Variants in RNF213 observed in about 807,000 individuals in gnomAD.
The protein encoded by RNF213 is E3 ubiquitin-protein ligase RNF213.
In RNF213, 341 loss-of-function variants were observed where a neutral mutation model predicts 514.4. The observed-to-expected ratio is 0.66, with a 90% CI of 0.61 to 0.73. The LOEUF (loss-of-function observed/expected upper bound fraction) is 0.73. Among genes scored for constraint, RNF213 ranks in the 30% least tolerant of loss-of-function variants. The pLI, the probability that RNF213 is intolerant of heterozygous loss-of-function variation, is 0.00. For synonymous variants in RNF213, 2,655 were observed against 2,658.2 expected, an observed-to-expected ratio of 1.00 and a Z score of 0.04; for missense variants, 5,767 against 6,615.6, an observed-to-expected ratio of 0.87 and a Z score of 4.45.
rs1237330782 is a variant in RNF213 at position 80,377,853 on chromosome 17, G to A, written c.13545+57G>A. The A allele has an allele frequency of 6.3e-7, 1 of 1,593,946 alleles. No individual in the cohort carries two copies. Among genetic ancestry groups the A allele is most frequent in the African/African-American group, 1.3e-5 (1 of 74,484 alleles). ...GGGTGGCGTGCACTCCTGGGTTGGA[G>A]GAGGGGGATCGTGGGTCAGGAGAGT... On this transcript the variant is annotated intron_variant, in intron 54 of 67. Transcript: ENST00000582970. This position sits in a 1 kb window ranked among gnomAD's most constrained non-coding sequence, Gnocchi z 4.1.
Position 80,351,705 on chromosome 17 carries a change from T to A in RNF213, c.10205T>A (p.Ile3402Asn). 6.3e-7 allele frequency: 1 copy of A among 1,594,534 alleles called. No homozygotes were observed. The highest frequency in any genetic ancestry group is 8.6e-7 in the Non-Finnish European group (1 of 1,162,844). The change falls in exon 32 of 68, where the codon ATC becomes AAC. Residue 3402 changes from isoleucine (I) to asparagine (N), a missense_variant. Coordinates refer to ENST00000582970, the MANE Select transcript of RNF213 (RefSeq NM_001256071.3). ...ASAKYSVINEINKIRENEDRI... is the reference protein window; with the variant it reads ...ASAKYSVINENNKIRENEDRI... Reference sequence around the variant, plus strand: ...AATAGGTATTCTGTTATAAATGAAATCAACAAAATACGAGAAAATGAGGAC... The same window carrying A: ...AATAGGTATTCTGTTATAAATGAAAACAACAAAATACGAGAAAATGAGGAC...
chr17:80,360,728 A>G (rs1053180571), intron 38 of RNF213, among the ~76,000 whole-genome samples: 2 of 152,110 alleles, frequency 1.3e-5, no homozygotes, highest in African/African-American at 4.8e-5. Context: ...AGATGCCAGA[A>G]GATTTGCCCT....
intron 18 of RNF213, among the ~76,000 whole-genome samples, chr17:80,326,431 C>A (rs1311330527): frequency 6.6e-6 from 1 of 152,228 alleles, no homozygotes; most frequent in Non-Finnish European, 1.5e-5. Context: ...TAGTGTGGTG[C>A]TTTTGTTACA....
In RNF213 at chr17:80,358,422, T is replaced by A. The variant is rs375097553; in HGVS notation, c.10997T>A (p.Met3666Lys). 1 of 1,614,056 alleles carries A rather than the reference T, an allele frequency of 6.2e-7. No homozygotes were observed. Among genetic ancestry groups the A allele is most frequent in the Admixed American group, 1.7e-5 (1 of 60,006 alleles). ...DTPPWARDLWMFIFSDTMLLN... is the reference protein window; with the variant it reads ...DTPPWARDLWKFIFSDTMLLN... ...CCGCCCTGGGCAAGAGATCTTTGGA[T>A]GTTTATTTTCAGTGACACGATGCTT... is the stretch of plus-strand genomic sequence containing the variant. The change falls in exon 37 of 68, where the codon ATG (methionine) becomes AAG (lysine). Residue 3666 changes from methionine to lysine, a missense_variant. This residue lies in a region of RNF213 where 919 missense variants were observed against 1,121.0 expected (regional missense o/e 0.82). Coordinates refer to ENST00000582970, the MANE Select transcript of RNF213 (RefSeq NM_001256071.3).
At chr17:80,281,277 T>TCC (rs151112444) in intron 3 of RNF213, among the ~76,000 whole-genome samples, 22 of 7,602 alleles carry the variant, frequency 2.9e-3, no homozygotes, top group South Asian at 5.4e-3. Context: ...CCACTCACAC[T>TCC]CCCCCCCACA....
Position 80,382,983 on chromosome 17 carries a change from T to C in RNF213, c.13983T>C (p.Leu4661=). 1 of 1,612,830 alleles carries C rather than the reference T, an allele frequency of 6.2e-7. No homozygotes were observed. Among genetic ancestry groups the C allele is most frequent in the Non-Finnish European group, 8.5e-7 (1 of 1,178,816 alleles). Residue 4661 remains leucine, a synonymous_variant, in exon 58 of 68, where the codon CTT becomes CTC. Transcript: ENST00000582970. The part of the protein sequence containing the change: ...QEQHQLSSRR[L]LNFDTELSTK... ...ACATTTGGAGTTTTTTTGTAGGGCTTTTAAATTTTGACACAGAATTGTCAA... is the reference window on the plus strand; with the variant it reads ...ACATTTGGAGTTTTTTTGTAGGGCTCTTAAATTTTGACACAGAATTGTCAA...
In RNF213 at chr17:80,339,578, C is replaced by G; in HGVS notation, c.5211C>G (p.Thr1737=). The G allele has an allele frequency of 6.5e-7, 1 of 1,537,156 alleles. No individual in the cohort carries two copies. Among genetic ancestry groups the G allele is most frequent in the Non-Finnish European group, 8.7e-7 (1 of 1,146,882 alleles). The change falls in exon 26 of 68, where the codon ACC becomes ACG. Residue 1737 remains threonine (T), a synonymous_variant. Coordinates refer to ENST00000582970, the MANE Select transcript of RNF213 (RefSeq NM_001256071.3). ...TMLSFIKSNC[T]LRDVLRASVG... ...TATCCTTCATCAAAAGCAACTGCAC[C>G]CTGAGGGATGTCTTAAGGGCCTCTG...
chr17:80,297,944 C>T (rs980771136), intron 10 of RNF213, among the ~76,000 whole-genome samples: 1 of 152,174 alleles, frequency 6.6e-6, no homozygotes, highest in Admixed American at 6.5e-5. Context: ...GAGACTCTGT[C>T]TCTAAACAAT....
intron 54 of RNF213, among the ~76,000 whole-genome samples, chr17:80,378,729 A>C (rs1162739030): frequency 6.6e-6 from 1 of 152,184 alleles, no homozygotes; most frequent in Non-Finnish European, 1.5e-5. Context: ...GAGGACGCTG[A>C]AATAGAGTCT....
At chr17:80,304,889 G>A (rs2045304954) in intron 11 of RNF213, among the ~76,000 whole-genome samples, 1 of 152,004 alleles carries the variant, frequency 6.6e-6, no homozygotes, top group Non-Finnish European at 1.5e-5. Context: ...CCTCCTCCTG[G>A]TAACCACTGT....
intron 16 of RNF213, among the ~76,000 whole-genome samples, chr17:80,318,642 C>T (rs1309239850): frequency 1.3e-5 from 2 of 151,848 alleles, no homozygotes; most frequent in East Asian, 1.9e-4. Context: ...GGCGGGATCT[C>T]GGCTCACTGC....
At chr17:80,379,576 G>A (rs747221149) in intron 54 of RNF213, 44 bp from the exon 55 acceptor site, 5 of 1,543,304 alleles carry the variant, frequency 3.2e-6, no homozygotes, top group Admixed American at 3.3e-5. Flanking sequence ...TGCATAAAAT[G>A]GTACTGCTCC....
intron 3 of RNF213, among the ~76,000 whole-genome samples, chr17:80,279,660 G>A (rs988271487): frequency 9.2e-5 from 14 of 151,608 alleles, no homozygotes; most frequent in Non-Finnish European, 1.2e-4. Flanking sequence ...GTAGAGACGG[G>A]GTTTCACCAT....
chr17:80,359,254 G>A lies in RNF213; in HGVS notation c.11054+775G>A, dbSNP rs751994484. ...TATAGAAATAAATGTGCCCAGGCTC[G>A]GTGGCTCATGCCTATAACCCCAGCA... On this transcript the variant is annotated intron_variant, in intron 37 of 67. Transcript: ENST00000582970. Among the ~76,000 whole-genome samples, 34 of 152,138 alleles carry A rather than the reference G, an allele frequency of 2.2e-4. No individual in the cohort carries two copies. In the South Asian group the frequency reaches 4.0e-3, roughly 18 times the overall value.
intron 1 of RNF213, among the ~76,000 whole-genome samples, chr17:80,261,527 A>G (rs545583460): frequency 4.3e-4 from 66 of 152,288 alleles, no homozygotes; most frequent in African/African-American, 1.6e-3. Context: ...GAGCTGTGCA[A>G]ACATGGTGGT....
chr17:80,317,231 G>T lies in RNF213; in HGVS notation c.2855G>T (p.Gly952Val). 6.2e-7 allele frequency: 1 copy of T among 1,612,892 alleles called. No homozygotes were observed. Among genetic ancestry groups the T allele is most frequent in the Non-Finnish European group, 8.5e-7 (1 of 1,179,852 alleles). ...GAAATCCAATTCCCCGCGGAGCATG[G>T]CTGGAAGGAGTCGTTGCTGGGAGAC... ...LVEIQFPAEH[G>V]WKESLLGDME... Residue 952 changes from glycine (G) to valine (V), a missense_variant, in exon 16 of 68, where the codon GGC becomes GTC. Coordinates refer to ENST00000582970, the MANE Select transcript of RNF213 (RefSeq NM_001256071.3). The surrounding 1 kb of genome is among the most constrained non-coding windows in gnomAD (Gnocchi z 4.1).
chr17:80,376,995 C>T (rs1229590221), intron 53 of RNF213, 32 bp downstream of exon 53: 38 of 1,519,758 alleles, frequency 2.5e-5, no homozygotes, highest in Non-Finnish European at 3.5e-5. Flanking sequence ...ACCCCACACT[C>T]CTTTGAGCTT....
rs967437958 is a variant in RNF213 at position 80,343,587 on chromosome 17, C to T, written c.6183+262C>T. ...ATGGTACACACTGTCGCTCCTAGGC[C>T]GCAAACCTGTGCTGCATATGGCTGT... On this transcript the variant is annotated intron_variant, in intron 27 of 67. Coordinates refer to ENST00000582970, the MANE Select transcript of RNF213 (RefSeq NM_001256071.3). The surrounding 1 kb of genome is among the most constrained non-coding windows in gnomAD (Gnocchi z 4.3). Among the ~76,000 whole-genome samples the T allele has an allele frequency of 6.6e-6, 1 of 152,140 alleles. No homozygotes were observed. Among genetic ancestry groups the T allele is most frequent in the Non-Finnish European group, 1.5e-5 (1 of 68,038 alleles).
chr17:80,284,960 A>C (rs1237562032), intron 3 of RNF213, among the ~76,000 whole-genome samples: 1 of 152,330 alleles, frequency 6.6e-6, no homozygotes, highest in Non-Finnish European at 1.5e-5. Flanking sequence ...CAGCCCACGC[A>C]CAAGAGCTGC....
Sources: allele counts gnomAD v4.1 joint callset (sites outside exome capture counted in the v4.1 genomes callset), GRCh38; gene constraint gnomAD v4.1.1; regional missense constraint gnomAD v4.1.1; non-coding constraint Gnocchi (gnomAD v3.1); transcripts MANE v1.5; gene names NCBI Gene and HGNC (gene_info 2026-07-23, HGNC 2026-07-21).